The following FBN2 variants were observed in gnomAD, a reference collection of about 807,000 sequenced individuals.
FBN2 encodes fibrillin 2, also known as fibrillin-2.
Under a neutral mutation model 355.6 loss-of-function variants are expected in FBN2, and 105 were observed. That is an observed-to-expected ratio of 0.30 (90% CI 0.25 to 0.35). The LOEUF (loss-of-function observed/expected upper bound fraction) is 0.35, where lower values mean the gene tolerates loss of function less well. Among genes scored for constraint, FBN2 ranks in the 10% least tolerant of loss-of-function variants. The probability of loss-of-function intolerance (pLI) is 1.00; values close to 1 mark genes in which losing one functional copy is unlikely to be tolerated. For synonymous variants in FBN2, 1,350 were observed against 1,301.2 expected, an observed-to-expected ratio of 1.04 and a Z score of -0.81; for missense variants, 3,280 against 3,758.7, an observed-to-expected ratio of 0.87 and a Z score of 3.33.
intron 5 of FBN2, among the ~76,000 whole-genome samples, chr5:128,488,708 G>A (rs1215835582): frequency 6.8e-6 from 1 of 146,964 alleles, no homozygotes; most frequent in Admixed American, 7.0e-5. Flanking sequence ...GTGTCAGTGT[G>A]TTCTCATTGT....
chr5:128,292,703 C>T (rs1749360818), intron 48 of FBN2, among the ~76,000 whole-genome samples: 2 of 152,198 alleles, frequency 1.3e-5, no homozygotes, highest in African/African-American at 2.4e-5. Flanking sequence ...CCATTCTATG[C>T]TCCTTGTCGT....
chr5:128,478,277 A>C (rs1313698585), intron 5 of FBN2, among the ~76,000 whole-genome samples: 2 of 152,178 alleles, frequency 1.3e-5, no homozygotes, highest in African/African-American at 4.8e-5. Context: ...GGTAAACTCT[A>C]ATTGTTCAAA....
At chr5:128,282,646 T>A (rs187405641) in intron 55 of FBN2, among the ~76,000 whole-genome samples, 1 of 152,282 alleles carries the variant, frequency 6.6e-6, no homozygotes, top group Admixed American at 6.5e-5. Flanking sequence ...TGAAAAAAAG[T>A]TGCCTGATTC....
At chr5:128,526,584 C>T (rs573919192) in intron 4 of FBN2, among the ~76,000 whole-genome samples, 293 of 152,178 alleles carry the variant, frequency 1.9e-3, no homozygotes, top group Admixed American at 2.2e-3. Flanking sequence ...CATGCTAAAA[C>T]ACGGATGAAC....
At chr5:128,491,689 A>G (rs773887722) in intron 5 of FBN2, among the ~76,000 whole-genome samples, 2 of 152,222 alleles carry the variant, frequency 1.3e-5, no homozygotes, top group Non-Finnish European at 2.9e-5. Context: ...TGTTAAGCAT[A>G]AAGAGGAAAA....
intron 32 of FBN2, among the ~76,000 whole-genome samples, chr5:128,331,885 G>T (rs973522054): frequency 3.3e-5 from 5 of 152,022 alleles, no homozygotes; most frequent in African/African-American, 1.2e-4. Flanking sequence ...AAAAATGGGA[G>T]GCCAAAAAGA....
chr5:128,388,447 C>A (rs192146139), intron 11 of FBN2, among the ~76,000 whole-genome samples: 16 of 152,248 alleles, frequency 1.1e-4, no homozygotes, highest in African/African-American at 3.8e-4. Flanking sequence ...GGTCTATGTA[C>A]TTAAGTTTGT....
At chr5:128,343,926 AAAGAAATTT>A (rs1322797157) in intron 25 of FBN2, among the ~76,000 whole-genome samples, 1 of 152,178 alleles carries the variant, frequency 6.6e-6, no homozygotes, top group Non-Finnish European at 1.5e-5. Context: ...AGTGTAGAGA[AAAGAAATTT>A]AAAAAATTTA....
At chr5:128,431,009 T>C (rs923598167) in intron 7 of FBN2, among the ~76,000 whole-genome samples, 2 of 152,292 alleles carry the variant, frequency 1.3e-5, no homozygotes, top group East Asian at 1.9e-4. Flanking sequence ...CTGAAATGAT[T>C]TGGATAATGT....
intron 11 of FBN2, among the ~76,000 whole-genome samples, chr5:128,390,895 C>G (rs543364001): frequency 6.6e-6 from 1 of 152,282 alleles, no homozygotes; most frequent in South Asian, 2.1e-4. Context: ...TTATTTAACA[C>G]TGTATGCTTG....
At chr5:128,315,130 C>A (rs905500190) in intron 36 of FBN2, among the ~76,000 whole-genome samples, 1 of 151,880 alleles carries the variant, frequency 6.6e-6, no homozygotes, top group East Asian at 1.9e-4. Flanking sequence ...TCCAAGGAAC[C>A]CTTTAATTTT....
At chr5:128,512,711 C>T (rs924839141) in intron 5 of FBN2, among the ~76,000 whole-genome samples, 1 of 152,070 alleles carries the variant, frequency 6.6e-6, no homozygotes, top group African/African-American at 2.4e-5. Flanking sequence ...ATAAAAACAT[C>T]ATCAAGCCTT....
chr5:128,334,787 G>A lies in FBN2; in HGVS notation c.4031C>T (p.Thr1344Ile). ...ACAGTGGCAAATGAAGGATCCCTTT[G>A]TGTTCTCACATTCCCCAAACATGCA... The part of the protein sequence containing the change: ...NICMFGECEN[T>I]KGSFICHCQL... Residue 1344 changes from threonine (T) to isoleucine (I), a missense_variant, in exon 31 of 65, where the codon ACA becomes ATA. Around this residue, in one of 6 missense-constraint regions of FBN2, gnomAD observed 2,284 missense variants for 2,749.5 expected, o/e 0.83. Coordinates refer to ENST00000262464, the MANE Select transcript of FBN2 (RefSeq NM_001999.4). 6.2e-7 allele frequency: 1 copy of A among 1,613,278 alleles called. No individual in the cohort carries two copies.
At chr5:128,323,983 T>C (rs1750468744) in intron 34 of FBN2, among the ~76,000 whole-genome samples, 3 of 152,246 alleles carry the variant, frequency 2.0e-5, no homozygotes, top group African/African-American at 4.8e-5. Context: ...TATTGGTCTA[T>C]TAAGGGATTC....
chr5:128,300,901 A>G lies in FBN2; in HGVS notation c.6082T>C (p.Ser2028Pro). The change falls in exon 48 of 65, where the codon TCT (serine) becomes CCT (proline). Residue 2028 changes from serine to proline, a missense_variant. Physicochemically the swap from Ser to Pro is moderately conservative, Grantham distance 74. Transcript: ENST00000262464. ...NECVALPGSCSPGTCQNLEGS... is the reference protein window; with the variant it reads ...NECVALPGSCPPGTCQNLEGS... ...TCCAAATTCTGACAGGTACCAGGAG[A>G]GCAAGAGCCGGGAAGGGCGACACAC... is the stretch of plus-strand genomic sequence containing the variant. The G allele has an allele frequency of 6.2e-7, 1 of 1,613,894 alleles. No individual in the cohort carries two copies. The highest frequency in any genetic ancestry group is 8.5e-7 in the Non-Finnish European group (1 of 1,179,772).
intron 5 of FBN2, among the ~76,000 whole-genome samples, chr5:128,514,248 T>C (rs1004901616): frequency 6.6e-6 from 1 of 152,206 alleles, no homozygotes; most frequent in African/African-American, 2.4e-5. Context: ...TTAATCATGA[T>C]ATATCTCAGG....
Position 128,357,543 on chromosome 5 carries a change from A to T in FBN2, c.2555-148T>A, listed in dbSNP as rs1751534241. On this transcript the variant is annotated intron_variant, in intron 19 of 64. Transcript: ENST00000262464. ...CTATGAAGCATAAAGTGAATGGGGA[A>T]TGGAGACATGCATTTTACATCGTGG... 3.3e-6 allele frequency: 3 copies of T among 922,502 alleles called. No individual in the cohort carries two copies. In the East Asian group the frequency reaches 7.8e-5, roughly 24 times the overall value. 57.1% of individuals were successfully genotyped at this position (922,502 alleles called of 1,614,324 possible).
rs901030548 is a variant in FBN2 at position 128,446,670 on chromosome 5, T to A, written c.827-64A>T. The A allele has an allele frequency of 7.7e-6, 12 of 1,557,218 alleles. No homozygotes were observed. The African/African-American group carries it at 1.2e-4, about 16-fold the overall frequency. On this transcript the variant is annotated intron_variant, in intron 6 of 64. Transcript: ENST00000262464. ...TTTTCAGAATATCTATACTTTTTTT[T>A]ACTATAAAAACTTTATATAAACATT...
intron 5 of FBN2, among the ~76,000 whole-genome samples, chr5:128,486,091 T>C (rs116109219): frequency 6.6e-6 from 1 of 152,322 alleles, no homozygotes; most frequent in Non-Finnish European, 1.5e-5. Context: ...TGCCCATATA[T>C]AAAAGTATGT....
Sources: gnomAD v4.1 joint callset for allele counts (sites outside exome capture counted in the v4.1 genomes callset) on GRCh38, gnomAD v4.1.1 for gene constraint, gnomAD v4.1.1 regional missense constraint, MANE v1.5 for transcripts, NCBI Gene and HGNC (gene_info 2026-07-23, HGNC 2026-07-21) for gene names.